ARNT2: variants seen among roughly 807,000 people sequenced by gnomAD.
ARNT2 encodes the protein ARNT protein 2.
In ARNT2, 36 loss-of-function variants were observed where a neutral mutation model predicts 91.7. That is an observed-to-expected ratio of 0.39 (90% CI 0.30 to 0.52). ARNT2 has a LOEUF of 0.52. ARNT2 is among the 20% of genes least tolerant of loss of function. The pLI, the probability that ARNT2 is intolerant of heterozygous loss-of-function variation, is 0.72. For missense variants in ARNT2, 775 were observed against 939.3 expected (o/e 0.83, Z 2.29); for synonymous variants, 365 against 347.1 (o/e 1.05, Z -0.57).
chr15:80,483,579 G>A (rs1254510264), intron 5 of ARNT2, among the ~76,000 whole-genome samples: 1 of 152,126 alleles, frequency 6.6e-6, no homozygotes, highest in Non-Finnish European at 1.5e-5. Context: ...GAACCTCACC[G>A]CACAAGCCCA....
At chr15:80,468,085 AG>A (rs1426564347) in intron 3 of ARNT2, among the ~76,000 whole-genome samples, 1 of 151,942 alleles carries the variant, frequency 6.6e-6, no homozygotes, top group Non-Finnish European at 1.5e-5. Flanking sequence ...CTGATTACGC[AG>A]CAGCAGTTTC....
chr15:80,549,581 A>T (rs1898048286), intron 8 of ARNT2, among the ~76,000 whole-genome samples: 1 of 152,240 alleles, frequency 6.6e-6, no homozygotes, highest in South Asian at 2.1e-4. Context: ...ATAAAAAATG[A>T]TCCTCAAACA....
At chr15:80,449,677 G>C (rs1156606279) in intron 1 of ARNT2, among the ~76,000 whole-genome samples, 2 of 152,134 alleles carry the variant, frequency 1.3e-5, no homozygotes, top group African/African-American at 2.4e-5. Flanking sequence ...GTTTTGAGTG[G>C]GATAGTTCAA....
At chr15:80,416,345 G>A (rs188961933) in intron 1 of ARNT2, among the ~76,000 whole-genome samples, 1 of 151,720 alleles carries the variant, frequency 6.6e-6, no homozygotes, top group Non-Finnish European at 1.5e-5. Context: ...GAGAATGAGT[G>A]GCATACACAA....
chr15:80,461,297 G>T (rs968056636), intron 3 of ARNT2, among the ~76,000 whole-genome samples: 1 of 152,214 alleles, frequency 6.6e-6, no homozygotes. Flanking sequence ...GAGGATTAGG[G>T]CAGGTGCCAT....
intron 5 of ARNT2, chr15:80,487,976 C>T (rs1897002297): frequency 6.6e-6 from 1 of 152,210 alleles, no homozygotes; most frequent in Non-Finnish European, 1.5e-5. Context: ...AGTAGAACAG[C>T]CCTCACTGTG....
intron 8 of ARNT2, among the ~76,000 whole-genome samples, chr15:80,531,449 A>G (rs771946102): frequency 6.6e-6 from 1 of 152,250 alleles, no homozygotes; most frequent in Non-Finnish European, 1.5e-5. Flanking sequence ...CAATTAGGGA[A>G]TCATTAAAAT....
At chr15:80,494,430 T>G (rs1566986795) in intron 5 of ARNT2, among the ~76,000 whole-genome samples, 1 of 152,172 alleles carries the variant, frequency 6.6e-6, no homozygotes, top group African/African-American at 2.4e-5. Context: ...GTTAATCATT[T>G]ACCGTTAAAA....
chr15:80,555,033 T>C (rs1176323153), intron 10 of ARNT2, 32 bp from the exon 11 acceptor site: 1 of 1,590,082 alleles, frequency 6.3e-7, no homozygotes, highest in Admixed American at 1.7e-5. Flanking sequence ...CAAATGGATC[T>C]GGGATTATTA....
chr15:80,485,555 G>A (rs1896958315), intron 5 of ARNT2, among the ~76,000 whole-genome samples: 1 of 152,176 alleles, frequency 6.6e-6, no homozygotes, highest in African/African-American at 2.4e-5. Flanking sequence ...GGCCAGGAGG[G>A]CAACAAGAAC....
chr15:80,514,262 C>T (rs1349238379), intron 7 of ARNT2, 58 bp from the exon 8 acceptor site: 1 of 1,574,508 alleles, frequency 6.4e-7, no homozygotes, highest in African/African-American at 1.3e-5. Context: ...GAGGAGTCAT[C>T]AACATCCTTG....
At chr15:80,526,451 C>G (rs534549514) in intron 8 of ARNT2, among the ~76,000 whole-genome samples, 248 of 152,346 alleles carry the variant, frequency 1.6e-3, no homozygotes, top group Non-Finnish European at 3.0e-3. Flanking sequence ...AGCCAAATGT[C>G]TTTTCTACAA....
intron 5 of ARNT2, among the ~76,000 whole-genome samples, chr15:80,505,902 G>C (rs1365098792): frequency 7.3e-6 from 1 of 137,506 alleles, no homozygotes; most frequent in East Asian, 2.0e-4. Context: ...CTGTGTTAAA[G>C]AAAAAATGAT....
chr15:80,513,829 C>A, intron 6 of ARNT2, 82 bp from the exon 7 acceptor site: 2 of 1,186,496 alleles, frequency 1.7e-6, no homozygotes, highest in South Asian at 1.3e-5. Flanking sequence ...TCAATTAAGG[C>A]TCATCTACTT....
At chr15:80,500,409 T>C (rs1300736086) in intron 5 of ARNT2, among the ~76,000 whole-genome samples, 1 of 152,238 alleles carries the variant, frequency 6.6e-6, no homozygotes, top group Non-Finnish European at 1.5e-5. Flanking sequence ...CATCTCACTG[T>C]TCCTCCTTTT....
rs187587780 is a variant in ARNT2, at chr15:80,446,991, C to T, written c.32-3889C>T. Among the ~76,000 whole-genome samples, 115 of 152,264 alleles carry T rather than the reference C, an allele frequency of 7.6e-4. No homozygotes were observed. In the Middle Eastern group the frequency reaches 0.01, roughly 14 times the overall value. ...CAATTGACATATCATTAAATTAACA[C>T]ATGCATTGGGAGAAAATTAGAATAT... On this transcript the variant is annotated intron_variant, in intron 1 of 18. Transcript: ENST00000303329.
At chr15:80,510,263 G>C (rs1272184440) in intron 6 of ARNT2, among the ~76,000 whole-genome samples, 4 of 152,120 alleles carry the variant, frequency 2.6e-5, no homozygotes, top group African/African-American at 9.7e-5. Flanking sequence ...GGAAAAGGTT[G>C]TTGGGGGGAG....
intron 5 of ARNT2, among the ~76,000 whole-genome samples, chr15:80,503,871 G>T (rs77069494): frequency 0.012 from 1,786 of 152,324 alleles, 39 homozygotes; most frequent in African/African-American, 0.041. Flanking sequence ...TGATTGCTGG[G>T]TCTTTGTAGA....
At position 80,593,601 on chromosome 15, in the gene ARNT2, A is replaced by G. The variant is rs1400337036; in HGVS notation, c.2057A>G (p.Asp686Gly). 1.9e-6 allele frequency: 3 copies of G among 1,593,064 alleles called. No homozygotes were observed. Among genetic ancestry groups the G allele is most frequent in the Non-Finnish European group, 2.6e-6 (3 of 1,167,622 alleles). ...GCTCTCTTTTCCTCTCCTCTGCAGG[A>G]CATGCTGCCCATGCCAGGAGATCCA... is the stretch of plus-strand genomic sequence containing the variant. ...QQPGQTEVFQ[D>G]MLPMPGDPTQ... The change falls in exon 19 of 19, where the codon GAC becomes GGC. Residue 686 changes from aspartate to glycine, a missense_variant and splice_region_variant. By Grantham distance (94) the Asp-to-Gly change is moderately conservative. Coordinates refer to ENST00000303329, the MANE Select transcript of ARNT2 (RefSeq NM_014862.4).
Sources: allele counts gnomAD v4.1 joint callset (sites outside exome capture counted in the v4.1 genomes callset), GRCh38; gene constraint gnomAD v4.1.1; transcripts MANE v1.5; gene names NCBI Gene and HGNC (gene_info 2026-07-23, HGNC 2026-07-21).